Variants in CACNA1A observed in about 807,000 individuals in gnomAD.
CACNA1A encodes voltage-dependent P/Q-type calcium channel subunit alpha-1A.
CACNA1A carries 57 observed loss-of-function variants against 262.4 expected under a neutral mutation model. The observed-to-expected ratio is 0.22, with a 90% confidence interval of 0.18 to 0.27. The LOEUF (loss-of-function observed/expected upper bound fraction) is 0.27. Ranked by LOEUF, CACNA1A falls within the 10% of genes least tolerant of loss-of-function variation. The pLI, the probability that CACNA1A is intolerant of heterozygous loss-of-function variation, is 1.00. For missense variants in CACNA1A, 2,526 were observed against 3,562.8 expected, an observed-to-expected ratio of 0.71 and a Z score of 7.41; for synonymous variants, 1,431 against 1,419.3, an observed-to-expected ratio of 1.01 and a Z score of -0.18.
intron 1 of CACNA1A, among the ~76,000 whole-genome samples, chr19:13,477,289 C>A (rs935787162): frequency 1.3e-5 from 2 of 152,204 alleles, no homozygotes. Flanking sequence ...CTGTTCTCTT[C>A]CCATTACCCT....
At chr19:13,259,934 G>A in intron 26 of CACNA1A, 1 of 495,976 alleles carries the variant, frequency 2.0e-6, no homozygotes, top group East Asian at 3.6e-5. Flanking sequence ...ACTCCTGGTG[G>A]GAGAGCTGAC....
intron 3 of CACNA1A, among the ~76,000 whole-genome samples, chr19:13,430,509 G>A (rs2060487915): frequency 6.6e-6 from 1 of 152,130 alleles, no homozygotes; most frequent in Non-Finnish European, 1.5e-5. Context: ...AGAACAATGA[G>A]ACAAGCAGGT....
intron 1 of CACNA1A, among the ~76,000 whole-genome samples, chr19:13,466,668 C>CTGT (rs1568675006): frequency 2.4e-5 from 3 of 123,728 alleles, no homozygotes; most frequent in South Asian, 2.6e-4. Context: ...AATACTGCTG[C>CTGT]TGCTGCTGCT....
At chr19:13,230,392 C>G (rs1415238556) in intron 35 of CACNA1A, among the ~76,000 whole-genome samples, 183 bp from the exon 36 acceptor site, 2 of 151,862 alleles carry the variant, frequency 1.3e-5, no homozygotes, top group Admixed American at 1.3e-4. Context: ...CAGAAAGAGA[C>G]TGGGGAATGG....
At chr19:13,209,033 G>A (rs1346753678) in intron 45 of CACNA1A, 24 bp from the exon 46 acceptor site, 3 of 1,536,878 alleles carry the variant, frequency 2.0e-6, no homozygotes, top group Middle Eastern at 1.7e-4. Context: ...GGGTCAGACA[G>A]ACACACAGGT....
In CACNA1A at chr19:13,452,868, C is replaced by T. The variant is rs372925573; in HGVS notation, c.539+8G>A. ...TTAAATCCAAAGCGTATAGCACGCG[C>T]CACTTACCCCGTTAGCACCACCACA... is the stretch of plus-strand genomic sequence containing the variant. On this transcript the variant is annotated splice_region_variant and intron_variant, in intron 3 of 46. Transcript: ENST00000360228. 3 of 1,613,264 alleles carry T rather than the reference C, an allele frequency of 1.9e-6. No individual in the cohort carries two copies. Among genetic ancestry groups the T allele is most frequent in the Non-Finnish European group, 2.5e-6 (3 of 1,179,386 alleles).
At chr19:13,490,422 G>A (rs1980617834) in intron 1 of CACNA1A, among the ~76,000 whole-genome samples, 1 of 152,072 alleles carries the variant, frequency 6.6e-6, no homozygotes, top group South Asian at 2.1e-4. Context: ...GGCCAACATG[G>A]TGAAACTCCA....
intron 24 of CACNA1A, among the ~76,000 whole-genome samples, chr19:13,268,873 G>A (rs1012616460): frequency 3.4e-5 from 5 of 145,430 alleles, no homozygotes; most frequent in African/African-American, 1.3e-4. Flanking sequence ...TATTGCATAC[G>A]TAGAATCATA....
chr19:13,294,203 C>CAA (rs57648096), intron 19 of CACNA1A, among the ~76,000 whole-genome samples: 9 of 99,630 alleles, frequency 9.0e-5, no homozygotes, highest in African/African-American at 1.9e-4. Context: ...GACCCTGCCT[C>CAA]AAAAAAAAAA....
intron 10 of CACNA1A, among the ~76,000 whole-genome samples, chr19:13,327,003 C>A (rs56287996): frequency 6.6e-6 from 1 of 152,014 alleles, no homozygotes; most frequent in East Asian, 2.0e-4. Context: ...GGTGATCCAC[C>A]TCAGCCTCAC....
At position 13,214,335 on chromosome 19, in the gene CACNA1A, TG is replaced by T. The variant is rs1317278344; in HGVS notation, c.5840-3del. Reference sequence around the variant, plus strand: ...TCTTCCCCACGGTGAGGTCCGTGGCTGGGGGCACACACACGGTGAGCTCACC... The same window carrying T: ...TCTTCCCCACGGTGAGGTCCGTGGCTGGGGCACACACACGGTGAGCTCACC... On this transcript the variant is annotated splice_region_variant and splice_polypyrimidine_tract_variant and intron_variant, in intron 39 of 46. Transcript: ENST00000360228. This position sits in a 1 kb window ranked among gnomAD's most constrained non-coding sequence, Gnocchi z 4.1. 2.5e-6 allele frequency: 4 copies of T among 1,612,310 alleles called. No homozygotes were observed. The highest frequency in any genetic ancestry group is 1.1e-5 in the South Asian group (1 of 91,042).
At chr19:13,405,827 G>A (rs551032898) in intron 3 of CACNA1A, among the ~76,000 whole-genome samples, 2 of 152,226 alleles carry the variant, frequency 1.3e-5, no homozygotes, top group Non-Finnish European at 2.9e-5. Context: ...GCTGGGGTTG[G>A]CTACTGTTGA....
chr19:13,346,659 TATATATA>T (rs1331017169), intron 6 of CACNA1A, among the ~76,000 whole-genome samples: 14 of 5,826 alleles, frequency 2.4e-3, no homozygotes, highest in African/African-American at 5.1e-3. Context: ...TATATATATA[TATATATA>T]TTTTTTTTTT....
rs535370976 is a variant in CACNA1A at position 13,366,468 on chromosome 19, T to C, written c.632-999A>G. 2.3e-3 allele frequency among the ~76,000 whole-genome samples: 355 copies of C among 151,932 alleles called. 1 individual carries two copies. Among genetic ancestry groups the C allele is most frequent in the Non-Finnish European group, 4.3e-3 (292 of 67,968 alleles). On this transcript the variant is annotated intron_variant, in intron 4 of 46. Transcript: ENST00000360228. Reference sequence around the variant, plus strand: ...AGACGCTGTCTCAAATAAATCTATATATATATTTTATAGAGACAGGGTCTC... The same window carrying C: ...AGACGCTGTCTCAAATAAATCTATACATATATTTTATAGAGACAGGGTCTC...
At chr19:13,409,657 C>A (rs1030779460) in intron 3 of CACNA1A, among the ~76,000 whole-genome samples, 1 of 152,088 alleles carries the variant, frequency 6.6e-6, no homozygotes, top group Admixed American at 6.5e-5. Flanking sequence ...ATGATCCTCC[C>A]GTTTTAGCCT....
chr19:13,395,665 A>G (rs2059797965), intron 3 of CACNA1A, among the ~76,000 whole-genome samples: 1 of 152,162 alleles, frequency 6.6e-6, no homozygotes, highest in South Asian at 2.1e-4. Context: ...ATTTGACCGT[A>G]GGTTATAAGG....
chr19:13,376,631 CAT>C (rs200646776), intron 3 of CACNA1A, among the ~76,000 whole-genome samples: 3,223 of 147,644 alleles, frequency 0.022, 56 homozygotes, highest in African/African-American at 0.054. Context: ...ACACACTACA[CAT>C]ATGTTATATA....
intron 3 of CACNA1A, among the ~76,000 whole-genome samples, chr19:13,411,556 G>C (rs1251248630): frequency 6.6e-6 from 1 of 152,086 alleles, no homozygotes; most frequent in African/African-American, 2.4e-5. Context: ...AACTGTGAGT[G>C]CATTAAACCT....
intron 6 of CACNA1A, 79 bp downstream of exon 6, chr19:13,359,527 C>G (rs935948386): frequency 4.3e-6 from 5 of 1,150,050 alleles, no homozygotes; most frequent in Non-Finnish European, 6.4e-6. Flanking sequence ...TCCATTGCAG[C>G]CTTGGAGTCT....
Sources: allele counts gnomAD v4.1 joint callset (sites outside exome capture counted in the v4.1 genomes callset), GRCh38; gene constraint gnomAD v4.1.1; non-coding constraint Gnocchi (gnomAD v3.1); transcripts MANE v1.5; gene names NCBI Gene and HGNC (gene_info 2026-07-23, HGNC 2026-07-21).